BBS9: variants seen among roughly 807,000 people sequenced by gnomAD.
BBS9 encodes the protein protein PTHB1.
BBS9 carries 89 observed loss-of-function variants against 117.7 expected under a neutral mutation model. The ratio of observed to expected loss-of-function variants is 0.76; its 90% CI spans 0.64 to 0.90. BBS9 has a LOEUF of 0.90. Among genes scored for constraint, BBS9 ranks in the 40% least tolerant of loss-of-function variants. The probability of loss-of-function intolerance (pLI) is 0.00; values close to 1 mark genes in which losing one functional copy is unlikely to be tolerated. For synonymous variants in BBS9, 379 were observed against 370.9 expected, an observed-to-expected ratio of 1.02 and a Z score of -0.25; for missense variants, 982 against 1,042.2, an observed-to-expected ratio of 0.94 and a Z score of 0.80.
rs1017944186 is a variant in BBS9, at chr7:33,234,827, G to A, written c.443-22409G>A. On this transcript the variant is annotated intron_variant, in intron 5 of 22. Transcript: ENST00000242067. Reference sequence around the variant, plus strand: ...CATTTTAAGGTTTGAATGGCATAATGGCAGTCTCAAGGGAATGGAGAAAAA... The same window carrying A: ...CATTTTAAGGTTTGAATGGCATAATAGCAGTCTCAAGGGAATGGAGAAAAA... 5.9e-5 allele frequency among the ~76,000 whole-genome samples: 9 copies of A among 152,036 alleles called. No individual in the cohort carries two copies. In the South Asian group the frequency reaches 1.7e-3, roughly 28 times the overall value.
intron 17 of BBS9, among the ~76,000 whole-genome samples, chr7:33,372,505 T>G (rs1372761181): frequency 1.3e-5 from 2 of 152,210 alleles, no homozygotes; most frequent in African/African-American, 4.8e-5. Context: ...TCAATCCCAC[T>G]TGATCATGGT....
intron 9 of BBS9, among the ~76,000 whole-genome samples, chr7:33,301,313 T>C (rs1806385879): frequency 6.6e-6 from 1 of 151,998 alleles, no homozygotes; most frequent in African/African-American, 2.4e-5. Flanking sequence ...AAATATATAA[T>C]TAAATTATTT....
chr7:33,622,504 A>G (rs1387458330), intron 21 of BBS9, among the ~76,000 whole-genome samples: 1 of 152,246 alleles, frequency 6.6e-6, no homozygotes, highest in East Asian at 1.9e-4. Context: ...TATGTTAATT[A>G]GCATTTCACA....
At chr7:33,334,733 T>C (rs1370940947) in intron 9 of BBS9, among the ~76,000 whole-genome samples, 2 of 152,228 alleles carry the variant, frequency 1.3e-5, no homozygotes, top group African/African-American at 4.8e-5. Context: ...GAGGATTATC[T>C]AGTCTTACCT....
chr7:33,494,310 T>C (rs1370508286), intron 19 of BBS9, among the ~76,000 whole-genome samples: 8 of 152,136 alleles, frequency 5.3e-5, no homozygotes, highest in Non-Finnish European at 1.2e-4. Flanking sequence ...CCAAATGTCA[T>C]TAACGAGGAG....
At chr7:33,318,990 C>A (rs1056583297) in intron 9 of BBS9, among the ~76,000 whole-genome samples, 1 of 152,050 alleles carries the variant, frequency 6.6e-6, no homozygotes, top group Non-Finnish European at 1.5e-5. Flanking sequence ...TGATGAAACC[C>A]CGTCTCTACT....
intron 21 of BBS9, among the ~76,000 whole-genome samples, chr7:33,629,761 T>C (rs1364083972): frequency 6.6e-6 from 1 of 152,212 alleles, no homozygotes; most frequent in Non-Finnish European, 1.5e-5. Context: ...GATTCAACGT[T>C]AAAATTGCAT....
intron 21 of BBS9, among the ~76,000 whole-genome samples, chr7:33,622,567 A>T (rs1865462076): frequency 6.6e-6 from 1 of 152,236 alleles, no homozygotes; most frequent in South Asian, 2.1e-4. Flanking sequence ...AAATATATAC[A>T]ATTTTTATTT....
chr7:33,267,438 C>A (rs1232334195), intron 7 of BBS9, among the ~76,000 whole-genome samples: 4 of 148,972 alleles, frequency 2.7e-5, no homozygotes. Flanking sequence ...TTTCCTTTTC[C>A]TCTTTTTCTG....
chr7:33,228,746 T>G (rs1791766873), intron 5 of BBS9, among the ~76,000 whole-genome samples: 1 of 152,206 alleles, frequency 6.6e-6, no homozygotes, highest in Non-Finnish European at 1.5e-5. Flanking sequence ...TCATTGAGTC[T>G]AAGTGGGTTA....
chr7:33,277,379 G>T (rs1800964563), intron 9 of BBS9, among the ~76,000 whole-genome samples: 1 of 152,184 alleles, frequency 6.6e-6, no homozygotes, highest in African/African-American at 2.4e-5. Context: ...TAGCTGAGTA[G>T]GTAGTTGGTT....
chr7:33,177,704 T>G, intron 5 of BBS9, 113 bp downstream of exon 5: 4 of 803,268 alleles, frequency 5.0e-6, no homozygotes, highest in Non-Finnish European at 8.4e-6. Flanking sequence ...AAAATAGACA[T>G]TTTATTGAAA....
rs541920512 is a variant in BBS9, at chr7:33,407,214, T to A, written c.2115+19070T>A. On this transcript the variant is annotated intron_variant, in intron 19 of 22. Transcript: ENST00000242067. ...TTCCATCACTGATACCCTTTCTTCC[T>A]GTTGATTGCATTGGCTCCTGAGGCT... Among the ~76,000 whole-genome samples, 532 of 152,330 alleles carry A rather than the reference T, an allele frequency of 3.5e-3. 2 individuals are homozygous for A. Among genetic ancestry groups the A allele is most frequent in the African/African-American group, 0.011 (475 of 41,562 alleles).
chr7:33,481,003 A>C (rs376142115), intron 19 of BBS9, among the ~76,000 whole-genome samples: 166 of 151,334 alleles, frequency 1.1e-3, no homozygotes, highest in African/African-American at 3.9e-3. Flanking sequence ...AGGCCTCCCC[A>C]GCCATGTGGA....
At chr7:33,436,153 C>T (rs1835277422) in intron 19 of BBS9, among the ~76,000 whole-genome samples, 1 of 152,142 alleles carries the variant, frequency 6.6e-6, no homozygotes, top group South Asian at 2.1e-4. Flanking sequence ...TTGGGCTGCC[C>T]TACTTAAGCA....
rs1484261040 is a variant in BBS9, at chr7:33,478,856, G to A, written c.2116-26607G>A. Reference sequence around the variant, plus strand: ...TTGTTCTCCCAAATAGGCAGGAGAAGTAAATATGATGTTAGTGGGTTTTTT... The same window carrying A: ...TTGTTCTCCCAAATAGGCAGGAGAAATAAATATGATGTTAGTGGGTTTTTT... On this transcript the variant is annotated intron_variant, in intron 19 of 22. Coordinates refer to ENST00000242067, the MANE Select transcript of BBS9 (RefSeq NM_198428.3). Among the ~76,000 whole-genome samples, 7 of 142,634 alleles carry A rather than the reference G, an allele frequency of 4.9e-5. No individual in the cohort carries two copies. The South Asian group carries it at 1.4e-3, about 28-fold the overall frequency. The allele number at this position is 142,634 out of a possible 152,430, so 93.6% of individuals were successfully genotyped here. A position where few individuals can be genotyped will look rare whatever the true frequency, so the allele number is the denominator to read the frequency against.
chr7:33,280,258 G>C (rs181525816), intron 9 of BBS9, among the ~76,000 whole-genome samples: 1 of 152,174 alleles, frequency 6.6e-6, no homozygotes, highest in African/African-American at 2.4e-5. Flanking sequence ...GAGGTTTGGG[G>C]TACAGATTCT....
chr7:33,573,893 A>G (rs914229983), intron 21 of BBS9, among the ~76,000 whole-genome samples: 3 of 152,120 alleles, frequency 2.0e-5, no homozygotes, highest in Non-Finnish European at 4.4e-5. Flanking sequence ...TTTCACATGT[A>G]CAAGGCTATT....
chr7:33,362,694 A>G (rs1294276813), intron 16 of BBS9, among the ~76,000 whole-genome samples: 2 of 152,198 alleles, frequency 1.3e-5, no homozygotes, highest in Admixed American at 6.5e-5. Context: ...GTCAGGTAGT[A>G]TAATTTCTCC....
Sources: gnomAD v4.1 joint callset for allele counts (sites outside exome capture counted in the v4.1 genomes callset) on GRCh38, gnomAD v4.1.1 for gene constraint, MANE v1.5 for transcripts, NCBI Gene and HGNC (gene_info 2026-07-23, HGNC 2026-07-21) for gene names.